The following SYNE1 variants were observed in gnomAD, a reference collection of about 807,000 sequenced individuals.
SYNE1 encodes spectrin repeat containing nuclear envelope protein 1, also known as nesprin-1.
A neutral mutation model predicts 1,111.0 loss-of-function variants in SYNE1; 616 were observed. The observed-to-expected ratio is 0.55, with a 90% CI of 0.52 to 0.59. The LOEUF (loss-of-function observed/expected upper bound fraction) is 0.59, where lower values mean the gene tolerates loss of function less well. SYNE1 is among the 20% of genes least tolerant of loss of function. The probability of loss-of-function intolerance (pLI) is 0.00; values close to 1 mark genes in which losing one functional copy is unlikely to be tolerated. For synonymous variants in SYNE1, 3,855 were observed against 3,825.8 expected (o/e 1.01, Z -0.28); for missense variants, 10,006 against 10,417.0 (o/e 0.96, Z 1.72).
chr6:152,155,164 A>G (rs989065754), intron 132 of SYNE1, 122 bp from the exon 133 acceptor site: 4 of 1,243,450 alleles, frequency 3.2e-6, no homozygotes, highest in Non-Finnish European at 4.6e-6. Flanking sequence ...GCCAAACGAT[A>G]ACCATTCCTC....
intron 30 of SYNE1, among the ~76,000 whole-genome samples, chr6:152,442,543 A>T (rs991503412): frequency 6.6e-6 from 1 of 152,240 alleles, no homozygotes; most frequent in Non-Finnish European, 1.5e-5. Flanking sequence ...CTGGCAAAAC[A>T]ATTCATCTGA....
intron 4 of SYNE1, among the ~76,000 whole-genome samples, chr6:152,536,456 T>C: frequency 7.5e-6 from 1 of 132,904 alleles, no homozygotes; most frequent in African/African-American, 3.3e-5. Flanking sequence ...AATATATATT[T>C]ATATATATAT....
At position 152,318,427 on chromosome 6, in the gene SYNE1, G is replaced by A. The variant is rs1394197911; in HGVS notation, c.16390-164C>T. 1.0e-5 allele frequency: 8 copies of A among 777,450 alleles called. No individual in the cohort carries two copies. The African/African-American group carries it at 1.2e-4, about 12-fold the overall frequency. 48.2% of individuals were successfully genotyped at this position (777,450 alleles called of 1,614,324 possible). Reference sequence around the variant, plus strand: ...TTTTGTTTCTTCGGTTGGAAAGGCAGGGCAGGATATGTTGTAATGCTGGTG... The same window carrying A: ...TTTTGTTTCTTCGGTTGGAAAGGCAAGGCAGGATATGTTGTAATGCTGGTG... On this transcript the variant is annotated intron_variant, in intron 85 of 145. Transcript: ENST00000367255.
chr6:152,359,609 G>T, intron 64 of SYNE1, 151 bp from the exon 65 acceptor site: 2 of 954,908 alleles, frequency 2.1e-6, no homozygotes, highest in Non-Finnish European at 3.2e-6. Context: ...ATTTGACACA[G>T]ATATGTGTGT....
intron 11 of SYNE1, among the ~76,000 whole-genome samples, chr6:152,489,534 G>C (rs552389359): frequency 1.4e-5 from 2 of 145,348 alleles, no homozygotes; most frequent in Non-Finnish European, 3.0e-5. Flanking sequence ...AAATCATCAC[G>C]GACCCTTTCA....
chr6:152,628,529 C>A lies in SYNE1; in HGVS notation c.-198G>T. On this transcript the variant is annotated 5_prime_UTR_variant, in exon 3 of 146. Transcript: ENST00000367255. ...TTCTTTTTCTTCTTCCGTTTTAAGA[C>A]TGTCCTCTTACATGAACTCAAGAAC... 1.6e-6 allele frequency: 1 copy of A among 622,368 alleles called. No homozygotes were observed. The highest frequency in any genetic ancestry group is 2.9e-6 in the Non-Finnish European group (1 of 350,028). The allele number at this position is 622,368 out of a possible 1,614,324, so 38.6% of individuals were successfully genotyped here.
At chr6:152,579,308 T>A (rs528677393) in intron 3 of SYNE1, among the ~76,000 whole-genome samples, 1 of 152,336 alleles carries the variant, frequency 6.6e-6, no homozygotes, top group Non-Finnish European at 1.5e-5. Context: ...AAAAGTTCTG[T>A]CTGGCTCTTT....
Position 152,597,372 on chromosome 6 carries a change from G to A in SYNE1, c.67+30893C>T, listed in dbSNP as rs115808350. 5.4e-3 allele frequency among the ~76,000 whole-genome samples: 815 copies of A among 152,272 alleles called. 3 individuals carry two copies. The highest frequency in any genetic ancestry group is 0.019 in the African/African-American group (793 of 41,550). On this transcript the variant is annotated intron_variant, in intron 3 of 145. Coordinates refer to ENST00000367255, the MANE Select transcript of SYNE1 (RefSeq NM_182961.4). ...GGCTCACTGCAGCCTCGACCTTGTGGGTTCAAGTGATCCTTCTACCACCTC... is the reference window on the plus strand; with the variant it reads ...GGCTCACTGCAGCCTCGACCTTGTGAGTTCAAGTGATCCTTCTACCACCTC...
At chr6:152,128,938 G>A (rs953726206) in intron 145 of SYNE1, 9 of 152,258 alleles carry the variant, frequency 5.9e-5, no homozygotes, top group African/African-American at 2.2e-4. Context: ...CTGTGAAGGT[G>A]TTGGATGACG....
chr6:152,289,837 A>C (rs13211170), intron 95 of SYNE1, among the ~76,000 whole-genome samples: 2 of 151,510 alleles, frequency 1.3e-5, no homozygotes, highest in African/African-American at 2.4e-5. Flanking sequence ...CATGTTAGCC[A>C]GGATGGTCGC....
At chr6:152,321,193 C>T (rs1342310768) in intron 84 of SYNE1, 45 bp downstream of exon 84, 2 of 1,608,862 alleles carry the variant, frequency 1.2e-6, no homozygotes, top group Non-Finnish European at 1.7e-6. Context: ...AGGACTGACC[C>T]TATAAACAAA....
intron 120 of SYNE1, 35 bp downstream of exon 120, chr6:152,218,968 C>A (rs766677255): frequency 6.2e-7 from 1 of 1,601,048 alleles, no homozygotes; most frequent in Non-Finnish European, 8.5e-7. Flanking sequence ...AGAGAACAGC[C>A]AATATACAGA....
At chr6:152,298,500 T>C (rs1329953182) in intron 93 of SYNE1, among the ~76,000 whole-genome samples, 1 of 152,152 alleles carries the variant, frequency 6.6e-6, no homozygotes, top group African/African-American at 2.4e-5. Flanking sequence ...CAGAATACAC[T>C]GTGAGTGGGA....
rs768403781 is a variant in SYNE1 at position 152,323,515 on chromosome 6, T to G, written c.15880A>C (p.Met5294Leu). The part of the protein sequence containing the change: ...APTPGEEPPL[M>L]QEITAMQDRC... ...TCTTGCATGGCGGTGATTTCCTGCATGAGCGGAGGCTCTTCCCCAGGGGTT... is the reference window on the plus strand; with the variant it reads ...TCTTGCATGGCGGTGATTTCCTGCAGGAGCGGAGGCTCTTCCCCAGGGGTT... The change falls in exon 82 of 146, where the codon ATG becomes CTG. Residue 5294 changes from methionine to leucine, a missense_variant. Transcript: ENST00000367255. The G allele has an allele frequency of 5.0e-6, 8 of 1,613,990 alleles. No homozygotes were observed. The African/African-American group carries it at 5.3e-5, about 11-fold the overall frequency.
At chr6:152,341,526 G>A (rs113956459) in intron 74 of SYNE1, among the ~76,000 whole-genome samples, 1,648 of 152,264 alleles carry the variant, frequency 0.011, 14 homozygotes, top group African/African-American at 0.016. Context: ...GAACGGAATC[G>A]AATCCATGTG....
At chr6:152,585,442 C>T (rs563764266) in intron 3 of SYNE1, among the ~76,000 whole-genome samples, 1 of 152,294 alleles carries the variant, frequency 6.6e-6, no homozygotes, top group Admixed American at 6.5e-5. Context: ...AATGTTTATG[C>T]ACGTCTCTAA....
intron 98 of SYNE1, among the ~76,000 whole-genome samples, chr6:152,271,939 G>A (rs545785273): frequency 3.9e-5 from 6 of 152,192 alleles, no homozygotes; most frequent in African/African-American, 7.2e-5. Context: ...AAAATTCTCC[G>A]AGCCCTGAGC....
intron 46 of SYNE1, among the ~76,000 whole-genome samples, chr6:152,403,171 A>T (rs1171228994): frequency 6.6e-6 from 1 of 152,192 alleles, no homozygotes; most frequent in African/African-American, 2.4e-5. Context: ...AAAGGGATGC[A>T]GCAGAAACCT....
chr6:152,322,081 GA>G (rs1175994702), intron 82 of SYNE1, among the ~76,000 whole-genome samples, 195 bp from the exon 83 acceptor site: 4 of 152,094 alleles, frequency 2.6e-5, no homozygotes, highest in Non-Finnish European at 5.9e-5. Flanking sequence ...ATTTATCCTT[GA>G]AAAACTGAGA....
Sources: allele counts gnomAD v4.1 joint callset (sites outside exome capture counted in the v4.1 genomes callset), GRCh38; gene constraint gnomAD v4.1.1; transcripts MANE v1.5; gene names NCBI Gene and HGNC (gene_info 2026-07-23, HGNC 2026-07-21).